Variants in CCSER1 observed in about 807,000 individuals in gnomAD.
The protein encoded by CCSER1 is coiled-coil serine rich protein 1.
In CCSER1, 41 loss-of-function variants were observed where a neutral mutation model predicts 82.0. The observed-to-expected ratio is 0.50, with a 90% confidence interval of 0.39 to 0.65. The LOEUF is 0.65. CCSER1 is among the 30% of genes least tolerant of loss of function. CCSER1 has a pLI of 0.00. For synonymous variants in CCSER1, 414 were observed against 383.9 expected (o/e 1.08, Z -0.92); for missense variants, 1,119 against 1,064.2 (o/e 1.05, Z -0.72).
chr4:90,265,174 C>G (rs1411736558), intron 1 of CCSER1, among the ~76,000 whole-genome samples: 1 of 151,632 alleles, frequency 6.6e-6, no homozygotes, highest in Non-Finnish European at 1.5e-5. Flanking sequence ...TTTTTTAGTT[C>G]TTAAAATAAT....
At chr4:90,147,023 T>C (rs1725933690) in intron 1 of CCSER1, among the ~76,000 whole-genome samples, 1 of 152,110 alleles carries the variant, frequency 6.6e-6, no homozygotes, top group Non-Finnish European at 1.5e-5. Context: ...TTTTGATTAT[T>C]TTATTTATTT....
rs148604583 is a variant in CCSER1 at position 90,467,029 on chromosome 4, C to T, written c.1604-1205C>T. ...AAAGCCACACAGCTATGAGAATGAA[C>T]CAGCTACTACTAGACATAGATGAAT... On this transcript the variant is annotated intron_variant, in intron 4 of 10. Coordinates refer to ENST00000509176, the MANE Select transcript of CCSER1 (RefSeq NM_001145065.2). 2.1e-4 allele frequency among the ~76,000 whole-genome samples: 32 copies of T among 152,236 alleles called. No homozygotes were observed. The East Asian group carries it at 3.3e-3, about 16-fold the overall frequency.
intron 4 of CCSER1, among the ~76,000 whole-genome samples, chr4:90,426,739 G>T (rs576184500): frequency 6.6e-6 from 1 of 152,068 alleles, no homozygotes; most frequent in Non-Finnish European, 1.5e-5. Context: ...TAAAGAGTTT[G>T]TTCTTCACAA....
intron 10 of CCSER1, among the ~76,000 whole-genome samples, chr4:91,568,064 T>A (rs768594941): frequency 7.9e-5 from 12 of 152,164 alleles, no homozygotes; most frequent in Non-Finnish European, 1.8e-4. Flanking sequence ...CCTTCAAGAT[T>A]TGCTTATCTG....
At chr4:90,656,020 C>A (rs1010311844) in intron 6 of CCSER1, among the ~76,000 whole-genome samples, 16 of 152,018 alleles carry the variant, frequency 1.1e-4, no homozygotes, top group Admixed American at 4.6e-4. Context: ...AATTTAATTT[C>A]TTTCATTCTC....
chr4:90,960,351 T>G (rs141238038), intron 9 of CCSER1, among the ~76,000 whole-genome samples: 56 of 152,272 alleles, frequency 3.7e-4, no homozygotes, highest in Non-Finnish European at 6.8e-4. Context: ...GTTTCTAACC[T>G]TTGCACCACT....
intron 3 of CCSER1, among the ~76,000 whole-genome samples, chr4:90,329,699 G>A (rs896561939): frequency 2.6e-5 from 4 of 151,956 alleles, no homozygotes; most frequent in African/African-American, 4.8e-5. Context: ...AATTAATTGA[G>A]CAGTATGCTT....
At position 91,165,927 on chromosome 4, in the gene CCSER1, A is replaced by T. The variant is rs993258443; in HGVS notation, c.2217+79933A>T. ...CCTGCCCAGCTTTGGCTCACCCTCC[A>T]TGGGCTGCACCTACTGTTCAACCAG... On this transcript the variant is annotated intron_variant, in intron 10 of 10. Coordinates refer to ENST00000509176, the MANE Select transcript of CCSER1 (RefSeq NM_001145065.2). Among the ~76,000 whole-genome samples the T allele has an allele frequency of 3.3e-5, 5 of 152,120 alleles. No individual in the cohort carries two copies. In the South Asian group the frequency reaches 1.0e-3, roughly 31 times the overall value.
At position 91,451,319 on chromosome 4, in the gene CCSER1, G is replaced by C. The variant is rs754600096; in HGVS notation, c.2218-147253G>C. On this transcript the variant is annotated intron_variant, in intron 10 of 10. Transcript: ENST00000509176. ...AAGACTGTGGCATGGGACCAAATTAGTCCTAGAAGTAAAGGCTGCTATGGG... is the reference window on the plus strand; with the variant it reads ...AAGACTGTGGCATGGGACCAAATTACTCCTAGAAGTAAAGGCTGCTATGGG... Among the ~76,000 whole-genome samples the C allele has an allele frequency of 2.6e-4, 40 of 152,070 alleles. 1 individual carries two copies. The Middle Eastern group carries it at 0.01, about 39-fold the overall frequency.
At chr4:91,025,264 A>G (rs1205774887) in intron 9 of CCSER1, among the ~76,000 whole-genome samples, 1 of 152,148 alleles carries the variant, frequency 6.6e-6, no homozygotes, top group East Asian at 1.9e-4. Context: ...AAAAGCAGTA[A>G]ATATTCTTCC....
intron 10 of CCSER1, among the ~76,000 whole-genome samples, chr4:91,163,625 T>C (rs1458353515): frequency 6.6e-6 from 1 of 152,214 alleles, no homozygotes; most frequent in Non-Finnish European, 1.5e-5. Flanking sequence ...CTGTGTTGGG[T>C]ACATATATAT....
chr4:91,352,911 G>A (rs1296082496), intron 10 of CCSER1, among the ~76,000 whole-genome samples: 3 of 152,080 alleles, frequency 2.0e-5, no homozygotes, highest in Non-Finnish European at 4.4e-5. Context: ...AATGAACATA[G>A]TAATATACAA....
chr4:90,359,063 C>T (rs867304685), intron 3 of CCSER1, among the ~76,000 whole-genome samples: 3 of 152,006 alleles, frequency 2.0e-5, no homozygotes, highest in Non-Finnish European at 4.4e-5. Context: ...TCATAAGGCA[C>T]GATGTGTTAC....
chr4:91,008,723 G>C (rs563016612), intron 9 of CCSER1, among the ~76,000 whole-genome samples: 1 of 152,180 alleles, frequency 6.6e-6, no homozygotes, highest in African/African-American at 2.4e-5. Context: ...GATATGTAAA[G>C]AGTTACTACT....
chr4:90,324,708 C>T (rs914442567), intron 3 of CCSER1, among the ~76,000 whole-genome samples: 8 of 151,958 alleles, frequency 5.3e-5, no homozygotes, highest in Non-Finnish European at 1.0e-4. Context: ...GCTTTTGTTG[C>T]CGTTGCTTTT....
intron 6 of CCSER1, among the ~76,000 whole-genome samples, chr4:90,634,231 A>C (rs1242816352): frequency 2.0e-5 from 3 of 151,708 alleles, no homozygotes; most frequent in Non-Finnish European, 4.4e-5. Context: ...GGAACTACTT[A>C]TTTGAAAATT....
rs1052040444 is a variant in CCSER1, at chr4:90,348,393, A to G, written c.1509+35346A>G. ...ATAGATTATATAATATTATTTTACT[A>G]TGTTCTTTTATCCATTTCATAAAAC... On this transcript the variant is annotated intron_variant, in intron 3 of 10. Coordinates refer to ENST00000509176, the MANE Select transcript of CCSER1 (RefSeq NM_001145065.2). Among the ~76,000 whole-genome samples, 12 of 152,156 alleles carry G rather than the reference A, an allele frequency of 7.9e-5. No homozygotes were observed. In the South Asian group the frequency reaches 1.7e-3, roughly 21 times the overall value.
intron 9 of CCSER1, among the ~76,000 whole-genome samples, chr4:90,943,619 G>A (rs1731851351): frequency 6.6e-6 from 1 of 151,924 alleles, no homozygotes; most frequent in Non-Finnish European, 1.5e-5. Flanking sequence ...CTGGAGTGCA[G>A]TGGTGCGATC....
intron 9 of CCSER1, among the ~76,000 whole-genome samples, chr4:90,973,834 A>AAC (rs938898468): frequency 2.0e-5 from 3 of 151,290 alleles, no homozygotes; most frequent in Admixed American, 6.6e-5. Flanking sequence ...TACACACACC[A>AAC]ACACACACAC....
Sources: gnomAD v4.1 joint callset for allele counts (sites outside exome capture counted in the v4.1 genomes callset) on GRCh38, gnomAD v4.1.1 for gene constraint, MANE v1.5 for transcripts, NCBI Gene and HGNC (gene_info 2026-07-23, HGNC 2026-07-21) for gene names.